Variants in TMEM38B observed in about 807,000 individuals in gnomAD.
TMEM38B encodes the protein transmembrane protein 38B.
In TMEM38B, 24 loss-of-function variants were observed where a neutral mutation model predicts 28.7. The observed-to-expected ratio is 0.84, with a 90% CI of 0.61 to 1.18. The LOEUF is 1.18. TMEM38B is among the 50% of genes most tolerant of loss of function. The pLI is 0.00. For synonymous variants in TMEM38B, 131 were observed against 127.7 expected (o/e 1.03, Z -0.17); for missense variants, 380 against 350.9 (o/e 1.08, Z -0.66).
intron 5 of TMEM38B, among the ~76,000 whole-genome samples, chr9:105,749,513 A>C (rs374417702): frequency 2.6e-4 from 40 of 152,186 alleles, no homozygotes; most frequent in African/African-American, 8.9e-4. Context: ...GCCCTTGTAC[A>C]ATTCAAGGTG....
chr9:105,730,282 C>G (rs1239152303), intron 4 of TMEM38B, among the ~76,000 whole-genome samples: 1 of 152,170 alleles, frequency 6.6e-6, no homozygotes, highest in Non-Finnish European at 1.5e-5. Context: ...GAGTTTTTAG[C>G]ATGAAAGGCT....
intron 2 of TMEM38B, among the ~76,000 whole-genome samples, chr9:105,715,562 T>A (rs950220603): frequency 3.4e-4 from 51 of 152,176 alleles, no homozygotes; most frequent in African/African-American, 5.3e-4. Flanking sequence ...AAGGATTTTT[T>A]AAAAATCTAT....
chr9:105,770,572 T>A (rs1416393746), intron 5 of TMEM38B, among the ~76,000 whole-genome samples: 1 of 152,156 alleles, frequency 6.6e-6, no homozygotes, highest in African/African-American at 2.4e-5. Context: ...GTAAACCCTA[T>A]GATTTTAATT....
At chr9:105,749,115 A>G (rs1000851557) in intron 5 of TMEM38B, 46 of 1,302,960 alleles carry the variant, frequency 3.5e-5, no homozygotes, top group Non-Finnish European at 4.6e-5. Context: ...AATTCAGGTA[A>G]CAAATATTGG....
At chr9:105,740,423 T>C (rs1175231709) in intron 4 of TMEM38B, among the ~76,000 whole-genome samples, 1 of 151,950 alleles carries the variant, frequency 6.6e-6, no homozygotes, top group African/African-American at 2.4e-5. Flanking sequence ...TATGCCACTG[T>C]GCCCAGCTAA....
rs1295266076 is a variant in TMEM38B, at chr9:105,721,674, A to G, written c.407A>G (p.Tyr136Cys). The G allele has an allele frequency of 5.6e-6, 9 of 1,613,298 alleles. No homozygotes were observed. In the South Asian group the frequency reaches 8.8e-5, roughly 16 times the overall value. The change falls in exon 3 of 6, where the codon TAT (tyrosine) becomes TGT (cysteine). Residue 136 changes from tyrosine to cysteine, a missense_variant. Coordinates refer to ENST00000374692, the MANE Select transcript of TMEM38B (RefSeq NM_018112.3). ...IVGGVTHANS[Y>C]YKNGWIVMIA... The stretch of plus-strand genomic sequence containing the variant: ...GGTGGAGTCACACATGCTAATAGCT[A>G]TTACAAAAATGGCTGGATAGTCATG...
intron 5 of TMEM38B, among the ~76,000 whole-genome samples, chr9:105,761,950 C>T (rs1838067226): frequency 6.6e-6 from 1 of 152,062 alleles, no homozygotes. Context: ...ATAAATGCCT[C>T]TCATCTTAAA....
chr9:105,740,816 C>G (rs1041964302), intron 4 of TMEM38B, among the ~76,000 whole-genome samples: 3 of 152,108 alleles, frequency 2.0e-5, no homozygotes, highest in African/African-American at 7.2e-5. Context: ...AACTTCTAAT[C>G]TATTGTTTAG....
chr9:105,754,528 C>T (rs1241760097), intron 5 of TMEM38B, among the ~76,000 whole-genome samples: 2 of 152,122 alleles, frequency 1.3e-5, no homozygotes, highest in Non-Finnish European at 2.9e-5. Flanking sequence ...CTGAACGACT[C>T]TTGGGTAATT....
chr9:105,723,683 C>T (rs1318596459), intron 4 of TMEM38B, among the ~76,000 whole-genome samples: 1 of 152,078 alleles, frequency 6.6e-6, no homozygotes. Context: ...AGATGTGAAG[C>T]ACCACACCCA....
At chr9:105,760,553 T>C (rs1252641001) in intron 5 of TMEM38B, 5 of 741,424 alleles carry the variant, frequency 6.7e-6, no homozygotes, top group Middle Eastern at 3.8e-4. Flanking sequence ...ACAGAACTTA[T>C]AGAAAATGTT....
chr9:105,712,741 A>G (rs1471176447), intron 2 of TMEM38B, among the ~76,000 whole-genome samples: 1 of 152,250 alleles, frequency 6.6e-6, no homozygotes, highest in African/African-American at 2.4e-5. Context: ...GCCGCAGGCC[A>G]TCTGGTGTGG....
intron 5 of TMEM38B, among the ~76,000 whole-genome samples, chr9:105,748,626 C>T (rs1406523582): frequency 6.6e-6 from 1 of 152,132 alleles, no homozygotes; most frequent in African/African-American, 2.4e-5. Flanking sequence ...AAGCTTTATT[C>T]CTTCCTGAAG....
At chr9:105,760,110 C>A in intron 5 of TMEM38B, 2 of 882,184 alleles carry the variant, frequency 2.3e-6, no homozygotes, top group South Asian at 1.3e-5. Context: ...AGAGGGTTGC[C>A]ATCGATGCGC....
chr9:105,766,805 T>G (rs1217698175), intron 5 of TMEM38B, among the ~76,000 whole-genome samples: 1 of 152,110 alleles, frequency 6.6e-6, no homozygotes, highest in Non-Finnish European at 1.5e-5. Context: ...GTTTGTTACA[T>G]ATGTATACAT....
rs761776961 is a variant in TMEM38B at position 105,721,738 on chromosome 9, G to A, written c.454+17G>A. 2 of 1,579,974 alleles carry A rather than the reference G, an allele frequency of 1.3e-6. No individual in the cohort carries two copies. Among genetic ancestry groups the A allele is most frequent in the Non-Finnish European group, 1.7e-6 (2 of 1,157,618 alleles). Reference sequence around the variant, plus strand: ...GGGCCCGAGGTAATATTGACAATATGTGTTCATAAATATTCTGTTGTTGGT... The same window carrying A: ...GGGCCCGAGGTAATATTGACAATATATGTTCATAAATATTCTGTTGTTGGT... On this transcript the variant is annotated intron_variant, in intron 3 of 5. Coordinates refer to ENST00000374692, the MANE Select transcript of TMEM38B (RefSeq NM_018112.3).
rs1837028667 is a variant in TMEM38B, at chr9:105,737,481, A to G, written c.543-10592A>G. Among the ~76,000 whole-genome samples, 4 of 152,314 alleles carry G rather than the reference A, an allele frequency of 2.6e-5. No individual in the cohort carries two copies. In the Middle Eastern group the frequency reaches 0.01, roughly 391 times the overall value. On this transcript the variant is annotated intron_variant, in intron 4 of 5. Transcript: ENST00000374692. Reference sequence around the variant, plus strand: ...TTGTCAGGCCATGTGCAGCAACAACAGTTACCCAGTAATGGTGGAGCACAG... The same window carrying G: ...TTGTCAGGCCATGTGCAGCAACAACGGTTACCCAGTAATGGTGGAGCACAG...
rs546932443 is a variant in TMEM38B at position 105,729,284 on chromosome 9, C to T, written c.542+6663C>T. Among the ~76,000 whole-genome samples, 10 of 152,294 alleles carry T rather than the reference C, an allele frequency of 6.6e-5. No individual in the cohort carries two copies. In the South Asian group the frequency reaches 2.1e-3, roughly 32 times the overall value. On this transcript the variant is annotated intron_variant, in intron 4 of 5. Coordinates refer to ENST00000374692, the MANE Select transcript of TMEM38B (RefSeq NM_018112.3). ...AAGGTGTAAGGAAGGGATCCGGTTT[C>T]AGCTTTCTACATATGGCTAGTCAGT...
At chr9:105,762,265 T>G (rs1329063291) in intron 5 of TMEM38B, among the ~76,000 whole-genome samples, 1 of 151,974 alleles carries the variant, frequency 6.6e-6, no homozygotes, top group Admixed American at 6.6e-5. Context: ...TTTAAATTTA[T>G]TATTATTATA....
Sources: gnomAD v4.1 joint callset for allele counts (sites outside exome capture counted in the v4.1 genomes callset) on GRCh38, gnomAD v4.1.1 for gene constraint, MANE v1.5 for transcripts, NCBI Gene and HGNC (gene_info 2026-07-23, HGNC 2026-07-21) for gene names.